The following ZNF385D variants were observed in gnomAD, a reference collection of about 807,000 sequenced individuals.
ZNF385D encodes zinc finger protein 385D, also known as zinc finger protein 659.
A neutral mutation model predicts 35.8 loss-of-function variants in ZNF385D; 15 were observed. The observed-to-expected ratio is 0.42, with a 90% CI of 0.28 to 0.64. The LOEUF is 0.64. Among genes scored for constraint, ZNF385D ranks in the 30% least tolerant of loss-of-function variants. ZNF385D has a pLI of 0.23. For missense variants in ZNF385D, 474 were observed against 494.6 expected, an observed-to-expected ratio of 0.96 and a Z score of 0.39; for synonymous variants, 212 against 186.8, an observed-to-expected ratio of 1.13 and a Z score of -1.10.
chr3:21,888,682 T>C (rs17009960), intron 3 of ZNF385D, among the ~76,000 whole-genome samples: 2,613 of 152,172 alleles, frequency 0.017, 76 homozygotes, highest in African/African-American at 0.058. Context: ...GAAGGGCAAG[T>C]AGAGGGTAGA....
chr3:21,738,867 G>C (rs931339930), intron 1 of ZNF385D, among the ~76,000 whole-genome samples: 1 of 152,220 alleles, frequency 6.6e-6, no homozygotes, highest in Non-Finnish European at 1.5e-5. Context: ...AAGAAAGCAA[G>C]AGTAGCTTCT....
chr3:21,736,280 G>T (rs1351452992), intron 1 of ZNF385D, among the ~76,000 whole-genome samples: 1 of 152,144 alleles, frequency 6.6e-6, no homozygotes, highest in East Asian at 1.9e-4. Flanking sequence ...CTTGATAAAG[G>T]TGACATCTTC....
chr3:22,134,413 G>A (rs1339920175), intron 3 of ZNF385D: 2 of 152,074 alleles, frequency 1.3e-5, no homozygotes, highest in Admixed American at 6.6e-5. Context: ...AAAATTATTA[G>A]GGACTTCCAA....
chr3:21,668,558 A>G (rs1014531878), intron 1 of ZNF385D, among the ~76,000 whole-genome samples: 1 of 152,178 alleles, frequency 6.6e-6, no homozygotes, highest in Non-Finnish European at 1.5e-5. Context: ...AAAATGAAAA[A>G]TTGCTTTATT....
At chr3:22,007,315 A>G (rs1433178032) in intron 3 of ZNF385D, among the ~76,000 whole-genome samples, 1 of 152,248 alleles carries the variant, frequency 6.6e-6, no homozygotes, top group Non-Finnish European at 1.5e-5. Flanking sequence ...GTGTTCATAA[A>G]GATCTCATAC....
At chr3:21,655,419 G>A (rs1254570938) in intron 2 of ZNF385D, among the ~76,000 whole-genome samples, 1 of 151,932 alleles carries the variant, frequency 6.6e-6, no homozygotes, top group East Asian at 1.9e-4. Flanking sequence ...AGCCTAAATT[G>A]TTACTGAAAT....
At chr3:21,979,414 T>C (rs1694277242) in intron 3 of ZNF385D, among the ~76,000 whole-genome samples, 1 of 152,224 alleles carries the variant, frequency 6.6e-6, no homozygotes, top group South Asian at 2.1e-4. Context: ...TTGAGCTTTT[T>C]ATCCAATATT....
chr3:22,338,916 G>C (rs142721904), intron 2 of ZNF385D, among the ~76,000 whole-genome samples: 5 of 151,860 alleles, frequency 3.3e-5, no homozygotes, highest in East Asian at 1.9e-4. Flanking sequence ...GGCCAGGCTC[G>C]TCTCGAACTC....
At chr3:21,962,540 G>T (rs550498002) in intron 3 of ZNF385D, among the ~76,000 whole-genome samples, 2 of 152,310 alleles carry the variant, frequency 1.3e-5, no homozygotes, top group Admixed American at 1.3e-4. Flanking sequence ...AAGCTTTGTA[G>T]AGAGAATTAG....
intron 2 of ZNF385D, among the ~76,000 whole-genome samples, chr3:21,641,932 C>T (rs370768055): frequency 1.1e-4 from 16 of 152,058 alleles, no homozygotes; most frequent in South Asian, 2.1e-4. Flanking sequence ...CCAGCAGCTG[C>T]GCCAATAGAA....
intron 3 of ZNF385D, among the ~76,000 whole-genome samples, chr3:21,904,594 G>A (rs1352607878): frequency 6.6e-6 from 1 of 152,068 alleles, no homozygotes; most frequent in Middle Eastern, 3.2e-3. Context: ...GAAGGGCCTA[G>A]CCTAGATAAA....
intron 1 of ZNF385D, among the ~76,000 whole-genome samples, chr3:21,717,655 G>A (rs545302557): frequency 3.9e-5 from 6 of 152,200 alleles, no homozygotes; most frequent in Admixed American, 6.5e-5. Flanking sequence ...TCAGGGGGGC[G>A]GTTTCCCCCA....
chr3:21,459,616 A>G (rs1053835370), intron 4 of ZNF385D, among the ~76,000 whole-genome samples: 3 of 152,188 alleles, frequency 2.0e-5, no homozygotes, highest in African/African-American at 7.2e-5. Context: ...TCTACCCTCA[A>G]TCAGTTCTCA....
rs2072928303 is a variant in ZNF385D, at chr3:21,811,702, AC to A, written c.326-146675del. Among the ~76,000 whole-genome samples the A allele has an allele frequency of 1.3e-5, 2 of 152,198 alleles. 1 individual carries two copies. The highest frequency in any genetic ancestry group is 4.1e-4 in the South Asian group (2 of 4,834). On this transcript the variant is annotated intron_variant, in intron 3 of 5. Coordinates refer to the ZNF385D transcript ENST00000494108. The stretch of plus-strand genomic sequence containing the variant: ...AACTATAAAATCATTATCAAATCAA[AC>A]ACTTGATGAGGAAAATTACCTATTT...
intron 3 of ZNF385D, among the ~76,000 whole-genome samples, chr3:21,844,642 G>T (rs1695885891): frequency 1.3e-5 from 2 of 152,110 alleles, no homozygotes; most frequent in South Asian, 2.1e-4. Flanking sequence ...TTCAGTGCAT[G>T]ACATCATTTT....
At chr3:22,276,573 A>G (rs1701440063) in intron 2 of ZNF385D, among the ~76,000 whole-genome samples, 1 of 152,182 alleles carries the variant, frequency 6.6e-6, no homozygotes. Context: ...TCTTGCTTGT[A>G]TCACAGTTAT....
At chr3:22,211,105 G>T (rs1697489557) in intron 2 of ZNF385D, among the ~76,000 whole-genome samples, 1 of 151,846 alleles carries the variant, frequency 6.6e-6, no homozygotes, top group Non-Finnish European at 1.5e-5. Flanking sequence ...CTGAAGAACT[G>T]ATTTAAGTAG....
At chr3:21,499,616 C>T (rs1706214467) in intron 4 of ZNF385D, among the ~76,000 whole-genome samples, 1 of 150,384 alleles carries the variant, frequency 6.6e-6, no homozygotes, top group Non-Finnish European at 1.5e-5. Flanking sequence ...TCAAATGCAC[C>T]ACTAAACCTA....
At chr3:21,774,119 G>C (rs1474757384) in intron 3 of ZNF385D, among the ~76,000 whole-genome samples, 1 of 151,940 alleles carries the variant, frequency 6.6e-6, no homozygotes, top group Non-Finnish European at 1.5e-5. Context: ...GTCCTTTTCA[G>C]GGACATGGAT....
Sources: gnomAD v4.1 joint callset for allele counts (sites outside exome capture counted in the v4.1 genomes callset) on GRCh38, gnomAD v4.1.1 for gene constraint, MANE v1.5 for transcripts, NCBI Gene and HGNC (gene_info 2026-07-23, HGNC 2026-07-21) for gene names.